Variants in FBXW7 observed in about 807,000 individuals in gnomAD.
The protein encoded by FBXW7 is F-box and WD repeat domain containing 7, also known as F-box/WD repeat-containing protein 7.
In FBXW7, 11 loss-of-function variants were observed where a neutral mutation model predicts 86.3. The ratio of observed to expected loss-of-function variants is 0.13; its 90% CI spans 0.08 to 0.21. FBXW7 has a LOEUF of 0.21. Among genes scored for constraint, FBXW7 ranks in the 10% least tolerant of loss-of-function variants. FBXW7 has a pLI of 1.00. For missense variants in FBXW7, 488 were observed against 847.4 expected, an observed-to-expected ratio of 0.58 and a Z score of 5.27; for synonymous variants, 313 against 297.9, an observed-to-expected ratio of 1.05 and a Z score of -0.52.
At chr4:152,355,671 G>A (rs548846649) in intron 4 of FBXW7, among the ~76,000 whole-genome samples, 1 of 152,172 alleles carries the variant, frequency 6.6e-6, no homozygotes, top group African/African-American at 2.4e-5. Context: ...TTAGCAAAGG[G>A]AATGACCAAC....
chr4:152,344,035 TC>T (rs1731007894), intron 6 of FBXW7, among the ~76,000 whole-genome samples: 1 of 152,146 alleles, frequency 6.6e-6, no homozygotes, highest in Admixed American at 6.6e-5. Context: ...GGACAAGCTC[TC>T]CCATACTGCT....
At chr4:152,509,266 G>C (rs887851248) in intron 2 of FBXW7, among the ~76,000 whole-genome samples, 5 of 152,078 alleles carry the variant, frequency 3.3e-5, no homozygotes, top group African/African-American at 1.2e-4. Context: ...TCCTGATTTT[G>C]ATAATTTTTC....
At chr4:152,392,008 A>G (rs1736037007) in intron 4 of FBXW7, among the ~76,000 whole-genome samples, 1 of 152,292 alleles carries the variant, frequency 6.6e-6, no homozygotes, top group African/African-American at 2.4e-5. Context: ...AAAGTATTGT[A>G]TAAGACATTT....
intron 4 of FBXW7, among the ~76,000 whole-genome samples, chr4:152,389,742 C>T (rs1369003702): frequency 2.6e-5 from 4 of 151,810 alleles, no homozygotes; most frequent in Admixed American, 2.0e-4. Flanking sequence ...AACTAGAGTA[C>T]CCCTTAAATT....
At chr4:152,329,627 T>A (rs1329126378) in intron 10 of FBXW7, 45 bp downstream of exon 10, 1 of 960,108 alleles carries the variant, frequency 1.0e-6, no homozygotes, top group Non-Finnish European at 1.5e-6. Context: ...TGCAATGATA[T>A]ACACAAAATT....
intron 12 of FBXW7, 61 bp from the exon 13 acceptor site, chr4:152,324,455 C>T (rs955204777): frequency 1.5e-6 from 2 of 1,341,574 alleles, no homozygotes; most frequent in Non-Finnish European, 2.1e-6. Context: ...AATTACTGAC[C>T]TTAATCCTAG....
At chr4:152,434,641 T>C (rs542738172) in intron 2 of FBXW7, among the ~76,000 whole-genome samples, 2 of 152,288 alleles carry the variant, frequency 1.3e-5, no homozygotes, top group South Asian at 2.1e-4. Context: ...TCAATTTCCA[T>C]AGTTCCTTGA....
Position 152,328,160 on chromosome 4 carries a change from A to T in FBXW7, c.1418+48T>A, listed in dbSNP as rs750956315. The T allele has an allele frequency of 5.3e-6, 8 of 1,516,892 alleles. No individual in the cohort carries two copies. The South Asian group carries it at 1.0e-4, about 19-fold the overall frequency. 94.0% of individuals were successfully genotyped at this position (1,516,892 alleles called of 1,614,324 possible). On this transcript the variant is annotated intron_variant, in intron 11 of 13. Coordinates refer to ENST00000281708, the MANE Select transcript of FBXW7 (RefSeq NM_001349798.2). ...CTCTACACAGAAAGGGCCCAAATTC[A>T]CCAATAATAGAGGAAGAAGTCCCAA...
At chr4:152,419,743 AT>A (rs1172736089) in intron 2 of FBXW7, among the ~76,000 whole-genome samples, 1 of 152,114 alleles carries the variant, frequency 6.6e-6, no homozygotes, top group Non-Finnish European at 1.5e-5. Flanking sequence ...GTCACAAAAA[AT>A]GTTTTGGTTT....
At chr4:152,520,491 T>C (rs934078938) in intron 2 of FBXW7, among the ~76,000 whole-genome samples, 12 of 151,556 alleles carry the variant, frequency 7.9e-5, no homozygotes, top group Admixed American at 1.3e-4. Flanking sequence ...AGAGATCTAG[T>C]AGGTCACTTC....
At chr4:152,528,321 T>C (rs1379113578) in intron 2 of FBXW7, among the ~76,000 whole-genome samples, 1 of 152,178 alleles carries the variant, frequency 6.6e-6, no homozygotes, top group Non-Finnish European at 1.5e-5. Context: ...CCACTAGCTG[T>C]CCCTTAGGTC....
At position 152,320,860 on chromosome 4, in the gene FBXW7, A is replaced by G. The variant is rs1728514085; in HGVS notation, c.*2021T>C. The G allele has an allele frequency of 6.6e-6, 1 of 152,136 alleles. No homozygotes were observed. The highest frequency in any genetic ancestry group is 6.6e-5 in the Admixed American group (1 of 15,258). The allele number at this position is 152,136 out of a possible 1,614,324, so 9.4% of individuals were successfully genotyped here. ...GTGCCTACTTCTCAGGGATAGTGGG[A>G]GCTTAAGAGAGAATGAACAGAAAGT... On this transcript the variant is annotated 3_prime_UTR_variant, in exon 14 of 14. Transcript: ENST00000281708.
intron 4 of FBXW7, among the ~76,000 whole-genome samples, chr4:152,407,902 G>A (rs1215959108): frequency 2.0e-5 from 3 of 152,098 alleles, no homozygotes; most frequent in Non-Finnish European, 4.4e-5. Context: ...ACAGGGTTTT[G>A]CCATGTTGCC....
At chr4:152,337,383 G>A (rs897529395) in intron 7 of FBXW7, among the ~76,000 whole-genome samples, 3 of 151,560 alleles carry the variant, frequency 2.0e-5, no homozygotes, top group African/African-American at 4.8e-5. Context: ...GGTCTTGAAG[G>A]GACTTAAGAT....
chr4:152,362,877 A>T (rs1463231891), intron 4 of FBXW7, among the ~76,000 whole-genome samples: 2 of 151,560 alleles, frequency 1.3e-5, no homozygotes, highest in Admixed American at 6.6e-5. Context: ...AGTTTTCAAG[A>T]GAAGATAAAT....
intron 2 of FBXW7, among the ~76,000 whole-genome samples, chr4:152,485,465 T>C (rs1459579930): frequency 6.6e-6 from 1 of 151,842 alleles, no homozygotes; most frequent in Non-Finnish European, 1.5e-5. Context: ...ACAGAGCAAA[T>C]GAATAAACAT....
chr4:152,483,082 A>C (rs1745026587), intron 2 of FBXW7, among the ~76,000 whole-genome samples: 1 of 152,142 alleles, frequency 6.6e-6, no homozygotes, highest in Non-Finnish European at 1.5e-5. Context: ...AGATTATTCC[A>C]ACTATTTTGT....
At chr4:152,525,095 G>C (rs1749387426) in intron 2 of FBXW7, among the ~76,000 whole-genome samples, 1 of 152,158 alleles carries the variant, frequency 6.6e-6, no homozygotes, top group Admixed American at 6.6e-5. Flanking sequence ...ACTATGAAAT[G>C]TAAAGATCCC....
At chr4:152,462,290 T>C (rs373838793) in intron 2 of FBXW7, among the ~76,000 whole-genome samples, 2 of 152,258 alleles carry the variant, frequency 1.3e-5, no homozygotes, top group Non-Finnish European at 2.9e-5. Context: ...AAGCCAGCTG[T>C]TGGCCACGCA....
Sources: gnomAD v4.1 joint callset for allele counts (sites outside exome capture counted in the v4.1 genomes callset) on GRCh38, gnomAD v4.1.1 for gene constraint, MANE v1.5 for transcripts, NCBI Gene and HGNC (gene_info 2026-07-23, HGNC 2026-07-21) for gene names.